Variants in IPMK observed in about 807,000 individuals in gnomAD.
The protein encoded by IPMK is inositol polyphosphate multikinase, also known as inositol 1,3,4,6-tetrakisphosphate 5-kinase.
A neutral mutation model predicts 45.8 loss-of-function variants in IPMK; 17 were observed. That is an observed-to-expected ratio of 0.37 (90% CI 0.25 to 0.56). The LOEUF (loss-of-function observed/expected upper bound fraction) is 0.56. IPMK is among the 20% of genes least tolerant of loss of function. The pLI, the probability that IPMK is intolerant of heterozygous loss-of-function variation, is 0.79. For synonymous variants in IPMK, 180 were observed against 184.3 expected (o/e 0.98, Z 0.19); for missense variants, 399 against 498.0 (o/e 0.80, Z 1.89).
At chr10:58,265,422 A>G (rs1457495948) in intron 1 of IPMK, among the ~76,000 whole-genome samples, 1 of 152,208 alleles carries the variant, frequency 6.6e-6, no homozygotes, top group African/African-American at 2.4e-5. Context: ...TAAACTGTAC[A>G]TGACTTATGA....
At chr10:58,215,107 C>G (rs891704096) in intron 4 of IPMK, among the ~76,000 whole-genome samples, 8 of 152,060 alleles carry the variant, frequency 5.3e-5, no homozygotes, top group African/African-American at 1.9e-4. Context: ...CCCAAGCTAG[C>G]CTTCTGACAG....
chr10:58,215,084 C>T lies in IPMK; in HGVS notation c.546+1061G>A, dbSNP rs1426826646. On this transcript the variant is annotated intron_variant, in intron 4 of 5. Coordinates refer to ENST00000373935, the MANE Select transcript of IPMK (RefSeq NM_152230.5). ...TCCTCCTTCTTAGAATGTGGTACTT[C>T]AAAATTAAAAAGCCCAAGCTAGCCT... is the stretch of plus-strand genomic sequence containing the variant. Among the ~76,000 whole-genome samples, 3 of 71,080 alleles carry T rather than the reference C, an allele frequency of 4.2e-5. No individual in the cohort carries two copies. The African/African-American group carries it at 4.7e-4, about 11-fold the overall frequency. 46.6% of individuals were successfully genotyped at this position (71,080 alleles called of 152,430 possible).
chr10:58,209,482 G>A (rs1037813801), intron 4 of IPMK, among the ~76,000 whole-genome samples: 1 of 152,190 alleles, frequency 6.6e-6, no homozygotes, highest in Non-Finnish European at 1.5e-5. Flanking sequence ...TGGCGATGGG[G>A]CTTCCTGAGA....
chr10:58,227,706 T>G (rs987901266), intron 2 of IPMK, among the ~76,000 whole-genome samples: 11 of 152,214 alleles, frequency 7.2e-5, no homozygotes, highest in African/African-American at 2.7e-4. Flanking sequence ...ACAATGTAAG[T>G]CTAACTGCTG....
chr10:58,229,719 A>G (rs996777733), intron 2 of IPMK, among the ~76,000 whole-genome samples: 1 of 152,202 alleles, frequency 6.6e-6, no homozygotes, highest in East Asian at 1.9e-4. Flanking sequence ...GAGGAAAGAA[A>G]GAGGGGGGTG....
At chr10:58,236,680 G>A (rs893500716) in intron 2 of IPMK, among the ~76,000 whole-genome samples, 4 of 152,074 alleles carry the variant, frequency 2.6e-5, no homozygotes, top group African/African-American at 9.7e-5. Context: ...AGAGGCAGGA[G>A]GATCGCTTGA....
intron 3 of IPMK, among the ~76,000 whole-genome samples, chr10:58,217,914 A>G (rs1230114173): frequency 1.3e-5 from 2 of 152,090 alleles, no homozygotes; most frequent in East Asian, 3.9e-4. Flanking sequence ...CATTATCCCC[A>G]TTCCACCAAG....
At chr10:58,235,008 A>G (rs536515730) in intron 2 of IPMK, among the ~76,000 whole-genome samples, 4 of 152,358 alleles carry the variant, frequency 2.6e-5, no homozygotes, top group Admixed American at 2.6e-4. Flanking sequence ...GGGGCAAAGG[A>G]TATGAACAGA....
intron 2 of IPMK, among the ~76,000 whole-genome samples, chr10:58,234,024 GACAA>G (rs1444390955): frequency 2.6e-5 from 4 of 152,266 alleles, no homozygotes; most frequent in South Asian, 4.1e-4. Flanking sequence ...ACCATTAACA[GACAA>G]ACAGAGAGCC....
chr10:58,212,890 A>G (rs1383415898), intron 4 of IPMK: 3 of 235,078 alleles, frequency 1.3e-5, no homozygotes, highest in Non-Finnish European at 2.8e-5. Context: ...ATTTCCGCCA[A>G]TGAGCAAGTC....
rs1405529946 is a variant in IPMK, at chr10:58,267,887, C to G, written c.-276G>C. ...CGCTGCCCGGTAGACAGAACCGAGC[C>G]GAAGAACAGCAGCAGCGGCGCCCCG... is the stretch of plus-strand genomic sequence containing the variant. On this transcript the variant is annotated 5_prime_UTR_variant, in exon 1 of 6. Coordinates refer to ENST00000373935, the MANE Select transcript of IPMK (RefSeq NM_152230.5). 3 of 352,458 alleles carry G rather than the reference C, an allele frequency of 8.5e-6. No homozygotes were observed. The highest frequency in any genetic ancestry group is 5.1e-5 in the East Asian group (1 of 19,768). The allele number at this position is 352,458 out of a possible 1,614,324, so 21.8% of individuals were successfully genotyped here. A position where few individuals can be genotyped will look rare whatever the true frequency, so the allele number is the denominator to read the frequency against.
chr10:58,237,641 C>A, intron 2 of IPMK, 88 bp downstream of exon 2: 1 of 923,114 alleles, frequency 1.1e-6, no homozygotes, highest in South Asian at 1.3e-5. Context: ...AGTGACTATG[C>A]TGTCAAATAT....
chr10:58,213,416 G>C (rs1259388658), intron 4 of IPMK, among the ~76,000 whole-genome samples: 1 of 152,212 alleles, frequency 6.6e-6, no homozygotes, highest in Non-Finnish European at 1.5e-5. Flanking sequence ...TGGGCGCGGT[G>C]GCTCACGCCT....
Position 58,196,152 on chromosome 10 carries a change from C to G in IPMK, c.1175G>C (p.Ser392Thr). Residue 392 changes from serine to threonine, a missense_variant, in exon 6 of 6, where the codon AGC becomes ACC. Ser to Thr is a moderately conservative substitution (Grantham distance 58, BLOSUM62 1). This residue lies in a region of IPMK where 288 missense variants were observed against 398.0 expected (regional missense o/e 0.72). Transcript: ENST00000373935. The stretch of plus-strand genomic sequence containing the variant: ...AACATATCCCTCATCTATTGTGTTG[C>G]TAGGGAACACATGAGCAAAATCTAT... ...RMIDFAHVFP[S>T]NTIDEGYVYG... is the part of the protein sequence containing the mutation. 3.1e-6 allele frequency: 5 copies of G among 1,613,934 alleles called. No homozygotes were observed. The highest frequency in any genetic ancestry group is 3.4e-6 in the Non-Finnish European group (4 of 1,179,878).
At chr10:58,203,334 T>C (rs1227464907) in intron 4 of IPMK, among the ~76,000 whole-genome samples, 2 of 152,224 alleles carry the variant, frequency 1.3e-5, no homozygotes, top group African/African-American at 4.8e-5. Flanking sequence ...ATTGGCTGAC[T>C]GAGATAGGGT....
At chr10:58,213,799 A>C (rs1012864937) in intron 4 of IPMK, among the ~76,000 whole-genome samples, 9 of 152,224 alleles carry the variant, frequency 5.9e-5, no homozygotes, top group African/African-American at 1.9e-4. Flanking sequence ...TCAAAGAAGA[A>C]TGTTTCAAGG....
rs1049442591 is a variant in IPMK at position 58,193,765 on chromosome 10, T to C, written c.*2311A>G. ...TCTTAAGCATTTACATGTTCAAATA[T>C]ACTTGGTGAATAGCGATCATTCATC... On this transcript the variant is annotated 3_prime_UTR_variant, in exon 6 of 6. Coordinates refer to ENST00000373935, the MANE Select transcript of IPMK (RefSeq NM_152230.5). 2.0e-5 allele frequency: 3 copies of C among 151,826 alleles called. No homozygotes were observed. The highest frequency in any genetic ancestry group is 7.2e-5 in the African/African-American group (3 of 41,428). 9.4% of individuals were successfully genotyped at this position (151,826 alleles called of 1,614,324 possible).
In IPMK at chr10:58,193,816, T is replaced by C. The variant is rs1409874318; in HGVS notation, c.*2260A>G. 6.6e-6 allele frequency: 1 copy of C among 151,798 alleles called. No individual in the cohort carries two copies. Among genetic ancestry groups the C allele is most frequent in the Non-Finnish European group, 1.5e-5 (1 of 67,718 alleles). The allele number at this position is 151,798 out of a possible 1,614,324, so 9.4% of individuals were successfully genotyped here. On this transcript the variant is annotated 3_prime_UTR_variant, in exon 6 of 6. Coordinates refer to ENST00000373935, the MANE Select transcript of IPMK (RefSeq NM_152230.5). The stretch of plus-strand genomic sequence containing the variant: ...CCCACAGTGGTAAATTTCAGCATAA[T>C]ATTAAGTGACCGAGAGAGACTAAGA...
intron 2 of IPMK, among the ~76,000 whole-genome samples, chr10:58,234,300 A>T (rs1838574575): frequency 6.6e-6 from 1 of 152,224 alleles, no homozygotes; most frequent in African/African-American, 2.4e-5. Flanking sequence ...TCTTCACAGA[A>T]TTGGAAAAAA....
Sources: allele counts gnomAD v4.1 joint callset (sites outside exome capture counted in the v4.1 genomes callset), GRCh38; gene constraint gnomAD v4.1.1; regional missense constraint gnomAD v4.1.1; transcripts MANE v1.5; gene names NCBI Gene and HGNC (gene_info 2026-07-23, HGNC 2026-07-21).